ADCY9: variants seen among roughly 807,000 people sequenced by gnomAD.
The protein encoded by ADCY9 is adenylate cyclase 9, also known as adenylate cyclase type 9.
A neutral mutation model predicts 101.5 loss-of-function variants in ADCY9; 50 were observed. The ratio of observed to expected loss-of-function variants is 0.49; its 90% CI spans 0.39 to 0.62. ADCY9 has a LOEUF of 0.62. ADCY9 is among the 20% of genes least tolerant of loss of function. The pLI, the probability that ADCY9 is intolerant of heterozygous loss-of-function variation, is 0.00. For missense variants in ADCY9, 1,662 were observed against 1,800.4 expected, an observed-to-expected ratio of 0.92 and a Z score of 1.39; for synonymous variants, 905 against 769.3, an observed-to-expected ratio of 1.18 and a Z score of -2.92.
chr16:4,061,976 G>A (rs927920994), intron 2 of ADCY9, among the ~76,000 whole-genome samples: 2 of 152,126 alleles, frequency 1.3e-5, no homozygotes, highest in African/African-American at 4.8e-5. Flanking sequence ...GACATTTAAT[G>A]GAACAAAGTT....
intron 2 of ADCY9, among the ~76,000 whole-genome samples, chr16:4,024,849 G>A (rs991638129): frequency 6.6e-6 from 1 of 152,098 alleles, no homozygotes; most frequent in East Asian, 1.9e-4. Flanking sequence ...CTCAGTTCTG[G>A]ACCTCCCAAG....
At chr16:4,110,318 C>G (rs953115348) in intron 2 of ADCY9, among the ~76,000 whole-genome samples, 6 of 150,358 alleles carry the variant, frequency 4.0e-5, no homozygotes, top group African/African-American at 1.5e-4. Context: ...CAGAGCTGGG[C>G]TTTCCCAAAG....
intron 4 of ADCY9, 71 bp downstream of exon 4, chr16:3,993,335 G>C: frequency 1.3e-6 from 2 of 1,592,594 alleles, no homozygotes; most frequent in African/African-American, 1.3e-5. Context: ...AAGTCGACAA[G>C]ACAGGAATGT....
At chr16:3,994,094 G>A (rs2056269117) in intron 3 of ADCY9, among the ~76,000 whole-genome samples, 1 of 152,120 alleles carries the variant, frequency 6.6e-6, no homozygotes, top group Non-Finnish European at 1.5e-5. Flanking sequence ...ATGGCATTGG[G>A]GGGCAAAGCC....
chr16:4,059,040 T>C (rs912814853), intron 2 of ADCY9, among the ~76,000 whole-genome samples: 1 of 152,180 alleles, frequency 6.6e-6, no homozygotes, highest in African/African-American at 2.4e-5. Context: ...TTCCATTTTA[T>C]ACATTTCTAT....
intron 2 of ADCY9, among the ~76,000 whole-genome samples, chr16:4,073,867 T>G (rs1335603615): frequency 6.6e-6 from 1 of 152,182 alleles, no homozygotes; most frequent in Non-Finnish European, 1.5e-5. Context: ...GTTCCTGAAG[T>G]GGCCTAAAAA....
chr16:4,108,648 A>G (rs1211539270), intron 2 of ADCY9, among the ~76,000 whole-genome samples: 1 of 150,148 alleles, frequency 6.7e-6, no homozygotes, highest in Non-Finnish European at 1.5e-5. Flanking sequence ...CTGGGATTAC[A>G]GGCATGAGCC....
chr16:3,977,515 A>C lies in ADCY9; in HGVS notation c.2795T>G (p.Leu932Arg). 1.3e-6 allele frequency: 2 copies of C among 1,582,758 alleles called. No individual in the cohort carries two copies. Among genetic ancestry groups the C allele is most frequent in the Non-Finnish European group, 1.7e-6 (2 of 1,164,556 alleles). Reference protein sequence around the residue: ...SLATVVGAGPLLLLYVSLCPD... With the variant: ...SLATVVGAGPRLLLYVSLCPD... ...GCACAGGGAGACGTAGAGCAGGAGC[A>C]GCGGCCCGGCCCCCACGACGGTGGC... The change falls in exon 9 of 11, where the codon CTG becomes CGG. Residue 932 changes from leucine (L) to arginine (R), a missense_variant. By Grantham distance (102) the Leu-to-Arg change is moderately radical. Transcript: ENST00000294016.
At chr16:4,084,447 TG>T (rs2056924817) in intron 2 of ADCY9, among the ~76,000 whole-genome samples, 1 of 151,828 alleles carries the variant, frequency 6.6e-6, no homozygotes, top group Non-Finnish European at 1.5e-5. Context: ...AAATGTTGGC[TG>T]GGCACGGTGG....
At chr16:3,971,263 G>A (rs2056049146) in intron 10 of ADCY9, among the ~76,000 whole-genome samples, 1 of 152,094 alleles carries the variant, frequency 6.6e-6, no homozygotes, top group Admixed American at 6.6e-5. Flanking sequence ...TCTACCGGGA[G>A]AGGACTCTTG....
At chr16:4,089,498 T>C (rs890810613) in intron 2 of ADCY9, among the ~76,000 whole-genome samples, 5 of 152,086 alleles carry the variant, frequency 3.3e-5, no homozygotes, top group Admixed American at 1.3e-4. Flanking sequence ...TTTGGGCTGT[T>C]TCCACTTTTT....
intron 2 of ADCY9, among the ~76,000 whole-genome samples, chr16:4,056,643 C>A (rs192312445): frequency 6.6e-6 from 1 of 152,174 alleles, no homozygotes; most frequent in African/African-American, 2.4e-5. Context: ...AAACTGGTCT[C>A]CTGGGAACAC....
intron 2 of ADCY9, among the ~76,000 whole-genome samples, chr16:4,029,736 C>T (rs2056542202): frequency 6.6e-6 from 1 of 152,132 alleles, no homozygotes; most frequent in Non-Finnish European, 1.5e-5. Context: ...CAGAGTGAGA[C>T]TCTGTCTCAA....
chr16:3,971,789 C>T (rs1010003765), intron 10 of ADCY9, among the ~76,000 whole-genome samples: 5 of 152,018 alleles, frequency 3.3e-5, no homozygotes, highest in African/African-American at 1.2e-4. Context: ...CCATTATGTG[C>T]AGGGGGTGTT....
rs147791804 is a variant in ADCY9, at chr16:4,110,660, G to A, written c.1693+3090C>T. Among the ~76,000 whole-genome samples, 1,262 of 152,250 alleles carry A rather than the reference G, an allele frequency of 8.3e-3. 13 individuals carry two copies. Among genetic ancestry groups the A allele is most frequent in the Middle Eastern group, 0.017 (5 of 294 alleles). On this transcript the variant is annotated intron_variant, in intron 2 of 10. Coordinates refer to ENST00000294016, the MANE Select transcript of ADCY9 (RefSeq NM_001116.4). Reference sequence around the variant, plus strand: ...CCGCCTTGGCCTCCCAAAGTGCTGGGATTACAGGCATGAGCCACTGCGCCC... The same window carrying A: ...CCGCCTTGGCCTCCCAAAGTGCTGGAATTACAGGCATGAGCCACTGCGCCC...
At chr16:4,109,482 G>A (rs2057100185) in intron 2 of ADCY9, among the ~76,000 whole-genome samples, 1 of 152,190 alleles carries the variant, frequency 6.6e-6, no homozygotes, top group African/African-American at 2.4e-5. Flanking sequence ...CAAGCCAGGG[G>A]TTCCGGGCCT....
chr16:3,978,620 G>A (rs12922685), intron 8 of ADCY9, among the ~76,000 whole-genome samples: 1 of 152,212 alleles, frequency 6.6e-6, no homozygotes, highest in African/African-American at 2.4e-5. Flanking sequence ...CACTGCCCGG[G>A]CGTGAGCATC....
At chr16:3,978,155 C>T (rs1008220774) in intron 8 of ADCY9, among the ~76,000 whole-genome samples, 3 of 152,192 alleles carry the variant, frequency 2.0e-5, no homozygotes, top group African/African-American at 4.8e-5. Context: ...GCGTGAGGCT[C>T]CCTGTTCACA....
chr16:4,099,803 A>G (rs561260540), intron 2 of ADCY9, among the ~76,000 whole-genome samples: 112 of 152,330 alleles, frequency 7.4e-4, no homozygotes, highest in Non-Finnish European at 1.3e-3. Flanking sequence ...TGTAATCCCA[A>G]CACTTCGGGA....
Sources: gnomAD v4.1 joint callset for allele counts (sites outside exome capture counted in the v4.1 genomes callset) on GRCh38, gnomAD v4.1.1 for gene constraint, MANE v1.5 for transcripts, NCBI Gene and HGNC (gene_info 2026-07-23, HGNC 2026-07-21) for gene names.